Variants in ABCA13 observed in about 807,000 individuals in gnomAD.
ABCA13 encodes ATP binding cassette subfamily A member 13, also known as ATP-binding cassette sub-family A member 13.
A neutral mutation model predicts 478.7 loss-of-function variants in ABCA13; 476 were observed. The ratio of observed to expected loss-of-function variants is 0.99; its 90% CI spans 0.92 to 1.07. ABCA13 has a LOEUF of 1.07. ABCA13 is among the 50% of genes least tolerant of loss of function. The pLI, the probability that ABCA13 is intolerant of heterozygous loss-of-function variation, is 0.00. For synonymous variants in ABCA13, 2,252 were observed against 2,158.9 expected, an observed-to-expected ratio of 1.04 and a Z score of -1.20; for missense variants, 6,060 against 5,910.6, an observed-to-expected ratio of 1.03 and a Z score of -0.83.
At chr7:48,258,533 C>G (rs1200666295) in intron 15 of ABCA13, among the ~76,000 whole-genome samples, 1 of 152,014 alleles carries the variant, frequency 6.6e-6, no homozygotes, top group African/African-American at 2.4e-5. Context: ...TTCAAGAAAC[C>G]AAGCTCTGCA....
intron 35 of ABCA13, among the ~76,000 whole-genome samples, chr7:48,379,025 C>T (rs950958794): frequency 3.9e-5 from 6 of 151,986 alleles, no homozygotes; most frequent in Admixed American, 1.3e-4. Flanking sequence ...ATTTTAGCTA[C>T]CAGCTAGTTA....
At chr7:48,556,312 A>G (rs1785821481) in intron 55 of ABCA13, among the ~76,000 whole-genome samples, 1 of 151,964 alleles carries the variant, frequency 6.6e-6, no homozygotes, top group Non-Finnish European at 1.5e-5. Flanking sequence ...AGTATCTGTT[A>G]GATCCATTTG....
At chr7:48,285,824 T>C (rs753538932) in intron 19 of ABCA13, among the ~76,000 whole-genome samples, 1 of 152,206 alleles carries the variant, frequency 6.6e-6, no homozygotes. Context: ...ATTATTACCT[T>C]CATTTCAAAT....
intron 31 of ABCA13, among the ~76,000 whole-genome samples, chr7:48,366,242 CT>C (rs1159602433): frequency 6.6e-6 from 1 of 151,772 alleles, no homozygotes; most frequent in African/African-American, 2.4e-5. Context: ...GGTCCTTGCC[CT>C]TTTTTTTCCT....
At chr7:48,436,050 A>C (rs1822787646) in intron 42 of ABCA13, among the ~76,000 whole-genome samples, 1 of 150,768 alleles carries the variant, frequency 6.6e-6, no homozygotes, top group Admixed American at 6.6e-5. Flanking sequence ...ATGAATTAGG[A>C]AGTTTATTCT....
chr7:48,453,093 TTAA>T (rs1271309801), intron 42 of ABCA13, among the ~76,000 whole-genome samples: 1 of 152,202 alleles, frequency 6.6e-6, no homozygotes, highest in Non-Finnish European at 1.5e-5. Context: ...ATATGCTGAC[TTAA>T]TAACTGCTTT....
At chr7:48,495,472 A>G (rs1375967639) in intron 48 of ABCA13, among the ~76,000 whole-genome samples, 1 of 152,076 alleles carries the variant, frequency 6.6e-6, no homozygotes, top group Non-Finnish European at 1.5e-5. Context: ...GTTTATCTTG[A>G]AGCTTCCATG....
chr7:48,612,060 C>T (rs974422616), intron 58 of ABCA13: 1 of 152,186 alleles, frequency 6.6e-6, no homozygotes, highest in Non-Finnish European at 1.5e-5. Flanking sequence ...AAATTCATGT[C>T]AGTGGGCTGT....
At chr7:48,384,074 G>T (rs1342469265) in intron 35 of ABCA13, among the ~76,000 whole-genome samples, 1 of 152,124 alleles carries the variant, frequency 6.6e-6, no homozygotes, top group Admixed American at 6.5e-5. Flanking sequence ...AATTTTAATT[G>T]CTAATTCAAA....
intron 23 of ABCA13, among the ~76,000 whole-genome samples, chr7:48,298,963 G>A (rs1799776989): frequency 6.6e-6 from 1 of 152,212 alleles, no homozygotes; most frequent in Non-Finnish European, 1.5e-5. Context: ...ACGCAAATGA[G>A]TAATGGCAGG....
chr7:48,589,633 C>T (rs979846487), intron 57 of ABCA13, among the ~76,000 whole-genome samples: 10 of 152,178 alleles, frequency 6.6e-5, no homozygotes, highest in African/African-American at 1.7e-4. Context: ...TCGTTATCTA[C>T]AGTCCCTCTC....
intron 38 of ABCA13, among the ~76,000 whole-genome samples, chr7:48,397,945 C>A (rs1817073735): frequency 6.6e-6 from 1 of 152,208 alleles, no homozygotes; most frequent in Admixed American, 6.5e-5. Flanking sequence ...ATAATCTCTA[C>A]TGGAGGGCAT....
chr7:48,576,951 T>G (rs930477902), intron 55 of ABCA13, among the ~76,000 whole-genome samples: 1 of 152,088 alleles, frequency 6.6e-6, no homozygotes, highest in Non-Finnish European at 1.5e-5. Flanking sequence ...TCCCCAAATA[T>G]TTGGACATTA....
At chr7:48,264,001 AT>A (rs1454851798) in intron 15 of ABCA13, among the ~76,000 whole-genome samples, 1 of 151,834 alleles carries the variant, frequency 6.6e-6, no homozygotes, top group Non-Finnish European at 1.5e-5. Context: ...CTGTCACTGT[AT>A]TTGAGTTTTC....
chr7:48,338,242 T>A lies in ABCA13; in HGVS notation c.10114-123T>A, dbSNP rs529610280. The stretch of plus-strand genomic sequence containing the variant: ...TATTGTGGTGTTTTAAAACTTCTTT[T>A]AAGTGGATTCAGTTTATGTGCCTTG... On this transcript the variant is annotated intron_variant, in intron 28 of 61. Transcript: ENST00000435803. 9.9e-6 allele frequency: 6 copies of A among 604,364 alleles called. No individual in the cohort carries two copies. The East Asian group carries it at 1.6e-4, about 16-fold the overall frequency. The allele number at this position is 604,364 out of a possible 1,614,324, so 37.4% of individuals were successfully genotyped here. A position where few individuals can be genotyped will look rare whatever the true frequency, so the allele number is the denominator to read the frequency against.
At chr7:48,535,274 T>A (rs1288589428) in intron 55 of ABCA13, among the ~76,000 whole-genome samples, 1 of 152,150 alleles carries the variant, frequency 6.6e-6, no homozygotes, top group African/African-American at 2.4e-5. Flanking sequence ...TGATTGTTTT[T>A]ACCCTTTTGT....
At chr7:48,304,585 T>C (rs924969584) in intron 23 of ABCA13, among the ~76,000 whole-genome samples, 1 of 151,536 alleles carries the variant, frequency 6.6e-6, no homozygotes, top group Non-Finnish European at 1.5e-5. Flanking sequence ...GATGGAACAA[T>C]AGACATGGGG....
At chr7:48,375,760 A>G (rs538473709) in intron 34 of ABCA13, among the ~76,000 whole-genome samples, 1 of 152,332 alleles carries the variant, frequency 6.6e-6, no homozygotes, top group South Asian at 2.1e-4. Context: ...GTTCTTTTAC[A>G]GATGAGTAAT....
intron 55 of ABCA13, among the ~76,000 whole-genome samples, chr7:48,568,362 G>A (rs1025799865): frequency 1.3e-5 from 2 of 152,058 alleles, no homozygotes; most frequent in African/African-American, 4.8e-5. Flanking sequence ...TTAATGAGAT[G>A]TGTGGTTTTT....
Sources: allele counts gnomAD v4.1 joint callset (sites outside exome capture counted in the v4.1 genomes callset), GRCh38; gene constraint gnomAD v4.1.1; transcripts MANE v1.5; gene names NCBI Gene and HGNC (gene_info 2026-07-23, HGNC 2026-07-21).